The following TSHZ3 variants were observed in gnomAD, a reference collection of about 807,000 sequenced individuals.
TSHZ3 encodes the protein teashirt homolog 3.
In TSHZ3, 10 loss-of-function variants were observed where a neutral mutation model predicts 64.5. That is an observed-to-expected ratio of 0.16 (90% CI 0.10 to 0.26). The LOEUF (loss-of-function observed/expected upper bound fraction) is 0.26, where lower values mean the gene tolerates loss of function less well. Ranked by LOEUF, TSHZ3 falls within the 10% of genes least tolerant of loss-of-function variation. The pLI is 1.00. For missense variants in TSHZ3, 1,242 were observed against 1,421.7 expected (o/e 0.87, Z 2.03); for synonymous variants, 608 against 593.1 (o/e 1.03, Z -0.36).
chr19:31,197,634 T>A (rs1307837385), intron 5 of TSHZ3, among the ~76,000 whole-genome samples: 1 of 151,800 alleles, frequency 6.6e-6, no homozygotes, highest in Non-Finnish European at 1.5e-5. Context: ...TCACTATCAA[T>A]CCCATGGACA....
intron 5 of TSHZ3, among the ~76,000 whole-genome samples, chr19:31,199,279 C>T (rs1195814514): frequency 6.6e-6 from 1 of 151,532 alleles, no homozygotes; most frequent in East Asian, 2.0e-4. Context: ...TGGCGGGCGC[C>T]TGTAGTCCCA....
At chr19:31,226,902 A>AT (rs796901379) in intron 4 of TSHZ3, among the ~76,000 whole-genome samples, 1 of 131,884 alleles carries the variant, frequency 7.6e-6, no homozygotes, top group Non-Finnish European at 1.6e-5. Context: ...CCTTATTTTC[A>AT]TTTTTTGCTT....
chr19:31,168,953 G>T (rs1172614340), intron 5 of TSHZ3, among the ~76,000 whole-genome samples: 1 of 152,128 alleles, frequency 6.6e-6, no homozygotes, highest in Admixed American at 6.5e-5. Context: ...TATAAATTCA[G>T]TTCTTTATGT....
chr19:31,181,526 T>C (rs1240041180), intron 5 of TSHZ3, among the ~76,000 whole-genome samples: 1 of 152,040 alleles, frequency 6.6e-6, no homozygotes, highest in Admixed American at 6.5e-5. Flanking sequence ...CCGTAGTGGC[T>C]TGGGGAGGGA....
At chr19:31,340,630 G>A (rs560689500) in intron 1 of TSHZ3, among the ~76,000 whole-genome samples, 15 of 152,274 alleles carry the variant, frequency 9.9e-5, no homozygotes, top group East Asian at 3.9e-4. Context: ...ATGTCAGTGC[G>A]GGCCCTGATT....
intron 1 of TSHZ3, among the ~76,000 whole-genome samples, chr19:31,303,618 C>T (rs1378825699): frequency 6.6e-6 from 1 of 152,094 alleles, no homozygotes. Context: ...TCTCATGCCC[C>T]GACCCCGCCC....
chr19:31,176,473 C>T (rs371280611), intron 5 of TSHZ3, among the ~76,000 whole-genome samples: 1 of 152,148 alleles, frequency 6.6e-6, no homozygotes, highest in Non-Finnish European at 1.5e-5. Flanking sequence ...TCTGTTCAAT[C>T]TCACTAATCA....
At chr19:31,251,910 C>T (rs1213687268) in intron 1 of TSHZ3, among the ~76,000 whole-genome samples, 1 of 152,200 alleles carries the variant, frequency 6.6e-6, no homozygotes, top group Non-Finnish European at 1.5e-5. Flanking sequence ...AAGGGCTTCT[C>T]AGCAGAGCTC....
chr19:31,167,461 A>C (rs922152058), intron 5 of TSHZ3: 6 of 152,196 alleles, frequency 3.9e-5, no homozygotes, highest in Non-Finnish European at 8.8e-5. Context: ...GAGGTCACAG[A>C]GCAAGTCCAG....
chr19:31,349,223 G>A lies in TSHZ3; in HGVS notation c.-4C>T. On this transcript the variant is annotated 5_prime_UTR_variant, in exon 1 of 2. Coordinates refer to ENST00000240587, the MANE Select transcript of TSHZ3 (RefSeq NM_020856.4). ...CCTGCTGCTTCCTCCTCGGCATGAT[G>A]CTTCTCCGGCGACTGCCACTGCCGC... 1 of 1,537,504 alleles carries A rather than the reference G, an allele frequency of 6.5e-7. No homozygotes were observed.
chr19:31,348,884 T>C (rs1222694256), intron 1 of TSHZ3: 4 of 362,346 alleles, frequency 1.1e-5, no homozygotes, highest in Non-Finnish European at 2.0e-5. Flanking sequence ...CCGGGGTTGC[T>C]TCCCATTCCC....
chr19:31,304,060 C>T (rs553213563), intron 1 of TSHZ3, among the ~76,000 whole-genome samples: 29 of 152,018 alleles, frequency 1.9e-4, no homozygotes, highest in African/African-American at 4.1e-4. Context: ...CTGCAACCTC[C>T]GCCTCCCGGG....
chr19:31,165,527 C>T (rs1029653557), intron 5 of TSHZ3, among the ~76,000 whole-genome samples: 5 of 152,072 alleles, frequency 3.3e-5, no homozygotes, highest in Non-Finnish European at 5.9e-5. Context: ...ATAAAATAAA[C>T]GAAGAAACAA....
At chr19:31,220,848 A>C (rs1003746264) in intron 4 of TSHZ3, among the ~76,000 whole-genome samples, 2 of 152,348 alleles carry the variant, frequency 1.3e-5, no homozygotes, top group Admixed American at 1.3e-4. Flanking sequence ...TTTGGTGAGC[A>C]CATAGCAATA....
chr19:31,190,304 G>A (rs1181162612), intron 5 of TSHZ3, among the ~76,000 whole-genome samples: 2 of 152,146 alleles, frequency 1.3e-5, no homozygotes, highest in Non-Finnish European at 2.9e-5. Flanking sequence ...TTGGAGGGGG[G>A]AAAGAAAGCT....
chr19:31,230,313 A>T (rs758760992), intron 3 of TSHZ3, among the ~76,000 whole-genome samples: 1 of 152,124 alleles, frequency 6.6e-6, no homozygotes, highest in African/African-American at 2.4e-5. Flanking sequence ...TTTTGTTTTT[A>T]AAAAATGTAT....
intron 1 of TSHZ3, among the ~76,000 whole-genome samples, chr19:31,248,144 G>A (rs1033157216): frequency 1.5e-4 from 23 of 152,202 alleles, no homozygotes; most frequent in Non-Finnish European, 2.1e-4. Context: ...CCTCCTGCAC[G>A]ATTCACTTAT....
Position 31,315,430 on chromosome 19 carries a change from T to C in TSHZ3, c.40+33750A>G, listed in dbSNP as rs1043985829. Among the ~76,000 whole-genome samples the C allele has an allele frequency of 7.2e-5, 11 of 152,192 alleles. 1 individual carries two copies. Among genetic ancestry groups the C allele is most frequent in the African/African-American group, 2.2e-4 (9 of 41,530 alleles). ...GCTGGGGGTACTCAGGAAGCTCTACTCCTGGGGGCGGGGTGCTGGATACTG... is the reference window on the plus strand; with the variant it reads ...GCTGGGGGTACTCAGGAAGCTCTACCCCTGGGGGCGGGGTGCTGGATACTG... On this transcript the variant is annotated intron_variant, in intron 1 of 1. Transcript: ENST00000240587.
At chr19:31,186,015 TA>T (rs1477798018) in intron 5 of TSHZ3, among the ~76,000 whole-genome samples, 1 of 152,250 alleles carries the variant, frequency 6.6e-6, no homozygotes, top group Admixed American at 6.5e-5. Context: ...CACTCATTTC[TA>T]CTGCTGATTT....
Sources: gnomAD v4.1 joint callset for allele counts (sites outside exome capture counted in the v4.1 genomes callset) on GRCh38, gnomAD v4.1.1 for gene constraint, MANE v1.5 for transcripts, NCBI Gene and HGNC (gene_info 2026-07-23, HGNC 2026-07-21) for gene names.